LNPEP: variants seen among roughly 807,000 people sequenced by gnomAD.
LNPEP encodes the protein leucyl-cystinyl aminopeptidase.
A neutral mutation model predicts 120.6 loss-of-function variants in LNPEP; 64 were observed. The observed-to-expected ratio is 0.53, with a 90% CI of 0.43 to 0.65. The LOEUF is 0.65. LNPEP is among the 30% of genes least tolerant of loss of function. LNPEP has a pLI of 0.00. For missense variants in LNPEP, 1,057 were observed against 1,200.0 expected (o/e 0.88, Z 1.76); for synonymous variants, 435 against 425.4 (o/e 1.02, Z -0.28).
At chr5:97,002,721 G>A (rs1374826635) in intron 8 of LNPEP, among the ~76,000 whole-genome samples, 1 of 152,162 alleles carries the variant, frequency 6.6e-6, no homozygotes, top group Non-Finnish European at 1.5e-5. Context: ...CATATAAATT[G>A]TATTGAAGAT....
At chr5:97,009,727 A>G (rs775658032) in intron 11 of LNPEP, among the ~76,000 whole-genome samples, 5 of 152,136 alleles carry the variant, frequency 3.3e-5, no homozygotes, top group Non-Finnish European at 7.4e-5. Context: ...TCGGGTTTAG[A>G]GAGTCCACAT....
chr5:96,979,281 G>A lies in LNPEP; in HGVS notation c.163G>A (p.Val55Met), dbSNP rs778347061. ...TGAGCCCCGGGGTTCCCGACTGCTGGTGCGGGGTCTTGGTGAGCATGAGAT... is the reference window on the plus strand; with the variant it reads ...TGAGCCCCGGGGTTCCCGACTGCTGATGCGGGGTCTTGGTGAGCATGAGAT... ...EYEPRGSRLL[V>M]RGLGEHEMEE... Residue 55 changes from valine (V) to methionine (M), a missense_variant, in exon 2 of 18, where the codon GTG (valine) becomes ATG (methionine). Val to Met is a conservative substitution (Grantham distance 21). Transcript: ENST00000231368. The A allele has an allele frequency of 2.5e-6, 4 of 1,614,020 alleles. No homozygotes were observed. In the South Asian group the frequency reaches 3.3e-5, roughly 13 times the overall value.
chr5:96,954,572 A>G (rs1789394899), intron 1 of LNPEP, among the ~76,000 whole-genome samples: 1 of 148,500 alleles, frequency 6.7e-6, no homozygotes, highest in Non-Finnish European at 1.5e-5. Flanking sequence ...AGTGTTGCAT[A>G]TTCCTCATTC....
rs201123923 is a variant in LNPEP at position 97,028,449 on chromosome 5, T to C, written c.2994T>C (p.Arg998=). The C allele has an allele frequency of 5.0e-6, 8 of 1,613,980 alleles. No individual in the cohort carries two copies. The East Asian group carries it at 1.8e-4, about 36-fold the overall frequency. Residue 998 remains arginine, a synonymous_variant, in exon 18 of 18, where the codon CGT becomes CGC. Transcript: ENST00000231368. ...ENQSEATFRL[R]CVQEALEVIQ... ...AGTCAGAGGCAACCTTCCGGCTTCG[T>C]TGTGTCCAGGAGGCTTTGGAAGTCA...
intron 6 of LNPEP, among the ~76,000 whole-genome samples, chr5:96,995,530 T>G (rs1561445847): frequency 6.6e-6 from 1 of 152,060 alleles, no homozygotes; most frequent in Non-Finnish European, 1.5e-5. Flanking sequence ...TGCCATCTTT[T>G]TTTTTTTGTT....
At chr5:96,993,192 G>A (rs1349365360) in intron 5 of LNPEP, 57 bp downstream of exon 5, 1 of 1,331,224 alleles carries the variant, frequency 7.5e-7, no homozygotes, top group Non-Finnish European at 1.0e-6. Flanking sequence ...GATTTATTTT[G>A]TGAATTTTTT....
intron 1 of LNPEP, among the ~76,000 whole-genome samples, chr5:96,975,576 C>A (rs1426799090): frequency 6.6e-6 from 1 of 152,100 alleles, no homozygotes; most frequent in Non-Finnish European, 1.5e-5. Flanking sequence ...CTGCTTCTCA[C>A]ATTATCTGAG....
intron 1 of LNPEP, among the ~76,000 whole-genome samples, chr5:96,976,729 C>T (rs1025175772): frequency 4.0e-5 from 6 of 151,432 alleles, no homozygotes; most frequent in African/African-American, 1.5e-4. Flanking sequence ...TCAAAAAAGG[C>T]CTTTTTAGAC....
intron 2 of LNPEP, among the ~76,000 whole-genome samples, chr5:96,982,347 T>G (rs538094325): frequency 1.3e-5 from 2 of 152,322 alleles, no homozygotes; most frequent in African/African-American, 4.8e-5. Flanking sequence ...AGTGTTCAAC[T>G]TTAGTATTTC....
intron 1 of LNPEP, among the ~76,000 whole-genome samples, chr5:96,957,552 T>C (rs1789499342): frequency 6.6e-6 from 1 of 152,070 alleles, no homozygotes; most frequent in Non-Finnish European, 1.5e-5. Context: ...AGTGAGAAAG[T>C]GAGGCAGAAG....
intron 1 of LNPEP, among the ~76,000 whole-genome samples, chr5:96,951,915 A>G (rs1789333355): frequency 6.6e-6 from 1 of 152,148 alleles, no homozygotes; most frequent in South Asian, 2.1e-4. Flanking sequence ...GTTTGGATCA[A>G]GATGTCTGGA....
At chr5:96,993,713 A>C (rs1582012158) in intron 5 of LNPEP, 104 bp from the exon 6 acceptor site, 9 of 1,063,726 alleles carry the variant, frequency 8.5e-6, no homozygotes, top group Non-Finnish European at 1.3e-5. Flanking sequence ...TGAGTATAAA[A>C]AGAATTCATT....
chr5:97,035,874 C>T lies in LNPEP; in HGVS notation c.*7341C>T, dbSNP rs1791564361. Reference sequence around the variant, plus strand: ...TTGAGTTGTGAAAGCTAATTAGATCCAGCATTTCTTATGTTGATTCAGATT... The same window carrying T: ...TTGAGTTGTGAAAGCTAATTAGATCTAGCATTTCTTATGTTGATTCAGATT... On this transcript the variant is annotated 3_prime_UTR_variant, in exon 18 of 18. Coordinates refer to ENST00000231368, the MANE Select transcript of LNPEP (RefSeq NM_005575.3). 6.6e-6 allele frequency: 1 copy of T among 152,170 alleles called. No individual in the cohort carries two copies. Among genetic ancestry groups the T allele is most frequent in the Admixed American group, 6.5e-5 (1 of 15,268 alleles). The allele number at this position is 152,170 out of a possible 1,614,324, so 9.4% of individuals were successfully genotyped here.
chr5:97,026,433 GTTCT>G (rs977751900), intron 15 of LNPEP, among the ~76,000 whole-genome samples, 180 bp from the exon 16 acceptor site: 8 of 151,974 alleles, frequency 5.3e-5, no homozygotes, highest in Non-Finnish European at 1.2e-4. Flanking sequence ...TTATTGGTGA[GTTCT>G]TTCTTCATTT....
chr5:96,971,208 C>T (rs1789850533), intron 1 of LNPEP, among the ~76,000 whole-genome samples: 1 of 151,990 alleles, frequency 6.6e-6, no homozygotes, highest in Non-Finnish European at 1.5e-5. Context: ...CTTCAGGCCT[C>T]CACCGTTGAC....
At position 97,037,334 on chromosome 5, in the gene LNPEP, T is replaced by A. The variant is rs1382325930; in HGVS notation, c.*8801T>A. On this transcript the variant is annotated 3_prime_UTR_variant, in exon 18 of 18. Coordinates refer to ENST00000231368, the MANE Select transcript of LNPEP (RefSeq NM_005575.3). ...TCTTTTGTGAAACATTTTGAAAATA[T>A]GTATATATAATATTGTATATGCAAA... 6.6e-6 allele frequency: 1 copy of A among 152,202 alleles called. No individual in the cohort carries two copies. Among genetic ancestry groups the A allele is most frequent in the Non-Finnish European group, 1.5e-5 (1 of 68,032 alleles). 9.4% of individuals were successfully genotyped at this position (152,202 alleles called of 1,614,324 possible).
At chr5:97,010,572 C>G (rs568210194) in intron 11 of LNPEP, 5 of 984,786 alleles carry the variant, frequency 5.1e-6, no homozygotes, top group Non-Finnish European at 6.0e-6. Context: ...GTAGTAAAAA[C>G]GGGTTTTTTA....
chr5:97,015,218 G>A (rs1791035946), intron 13 of LNPEP, 123 bp downstream of exon 13: 2 of 566,002 alleles, frequency 3.5e-6, no homozygotes, highest in Non-Finnish European at 5.8e-6. Flanking sequence ...TCACTTTCCT[G>A]CTTGTGAAAT....
At position 96,979,909 on chromosome 5, in the gene LNPEP, C is replaced by T. The variant is rs371940179; in HGVS notation, c.791C>T (p.Ser264Leu). The change falls in exon 2 of 18, where the codon TCG (serine) becomes TTG (leucine). Residue 264 changes from serine (S) to leucine (L), a missense_variant. By Grantham distance (145) the Ser-to-Leu change is moderately radical. Transcript: ENST00000231368. ...GHNYTLKIEY[S>L]ANISSSYYGF... ...AATTATACGTTGAAGATAGAGTACT[C>T]GGCAAATATATCTAGTTCTTATTAT... 1.3e-4 allele frequency: 211 copies of T among 1,613,594 alleles called. 1 individual carries two copies. The highest frequency in any genetic ancestry group is 5.0e-4 in the Middle Eastern group (3 of 6,054).
Sources: gnomAD v4.1 joint callset for allele counts (sites outside exome capture counted in the v4.1 genomes callset) on GRCh38, gnomAD v4.1.1 for gene constraint, MANE v1.5 for transcripts, NCBI Gene and HGNC (gene_info 2026-07-23, HGNC 2026-07-21) for gene names.